Variants in ZNG1E observed in about 807,000 individuals in gnomAD.
ZNG1E encodes the protein Zn regulated GTPase metalloprotein activator 1E, also known as zinc-regulated GTPase metalloprotein activator 1E.
the ZNG1E span, among the ~76,000 whole-genome samples, chr9:65,686,511 C>G: frequency 6.6e-6 from 1 of 152,120 alleles, no homozygotes; most frequent in Non-Finnish European, 1.5e-5. Context: ...TGGTGGGAGC[C>G]TGTAATCCCA....
At chr9:65,660,774 C>T in the ZNG1E span, among the ~76,000 whole-genome samples, 3 of 147,690 alleles carry the variant, frequency 2.0e-5, no homozygotes, top group East Asian at 6.2e-4. Context: ...CAAAATTTAA[C>T]TATGGAAAAT....
At chr9:65,687,415 AT>A in the ZNG1E span, among the ~76,000 whole-genome samples, 2 of 150,832 alleles carry the variant, frequency 1.3e-5, no homozygotes, top group East Asian at 3.9e-4. Context: ...TATACACTTC[AT>A]TGATTCAAAA....
the ZNG1E span, among the ~76,000 whole-genome samples, chr9:65,710,608 C>T: frequency 2.2e-4 from 33 of 151,950 alleles, no homozygotes; most frequent in South Asian, 6.2e-4. Flanking sequence ...TTATTAAATA[C>T]GGAATCCTTT....
the ZNG1E span, among the ~76,000 whole-genome samples, chr9:65,712,066 TC>T: frequency 9.6e-4 from 140 of 145,700 alleles, 2 homozygotes; most frequent in East Asian, 0.026. Flanking sequence ...TTCAACTTCT[TC>T]CTGGTTTAGT....
the ZNG1E span, among the ~76,000 whole-genome samples, chr9:65,711,441 AG>A: frequency 7.7e-6 from 1 of 130,196 alleles, no homozygotes; most frequent in Non-Finnish European, 1.6e-5. Context: ...CAGTTTTCAA[AG>A]GGAATGCTTC....
chr9:65,703,933 C>G, the ZNG1E span: 1 of 882,484 alleles, frequency 1.1e-6, no homozygotes, highest in Non-Finnish European at 1.3e-6. Context: ...AGTGTAAGTC[C>G]TCTACAACCA....
chr9:65,719,786 T>C, the ZNG1E span: 1 of 472,670 alleles, frequency 2.1e-6, no homozygotes, highest in Non-Finnish European at 3.7e-6. Context: ...AAAATAGTGT[T>C]GCTAAAAGAC....
the ZNG1E span, among the ~76,000 whole-genome samples, chr9:65,691,550 C>T: frequency 6.6e-6 from 1 of 152,254 alleles, no homozygotes; most frequent in African/African-American, 2.4e-5. Flanking sequence ...TGTCACTCAA[C>T]TTCCAATTTA....
At chr9:65,709,278 C>T in the ZNG1E span, among the ~76,000 whole-genome samples, 48 of 149,934 alleles carry the variant, frequency 3.2e-4, no homozygotes, top group African/African-American at 9.7e-4. Flanking sequence ...TTTAGCTTAG[C>T]GTTTTCACAC....
At chr9:65,658,611 C>A in the ZNG1E span, among the ~76,000 whole-genome samples, 589 of 150,654 alleles carry the variant, frequency 3.9e-3, 1 homozygote, top group Non-Finnish European at 6.7e-3. Flanking sequence ...GAGTTAGACC[C>A]ATCCCAAGGC....
the ZNG1E span, chr9:65,703,799 C>T: frequency 3.1e-6 from 3 of 971,572 alleles, 1 homozygote; most frequent in African/African-American, 6.0e-5. Flanking sequence ...GCCAGACTGC[C>T]ATTAAGTGTT....
the ZNG1E span, among the ~76,000 whole-genome samples, chr9:65,717,881 T>G: frequency 6.9e-6 from 1 of 145,910 alleles, no homozygotes; most frequent in East Asian, 1.9e-4. Context: ...AAGATGAGGT[T>G]TTGCCATGTT....
At chr9:65,693,521 T>C in the ZNG1E span, 1 of 1,277,150 alleles carries the variant, frequency 7.8e-7, no homozygotes, top group Non-Finnish European at 1.0e-6. Context: ...TAGTGACTGT[T>C]TTGTATCCAA....
chr9:65,659,624 A>T, the ZNG1E span, among the ~76,000 whole-genome samples: 1 of 152,034 alleles, frequency 6.6e-6, no homozygotes, highest in African/African-American at 2.4e-5. Context: ...CTTAGGCCAG[A>T]TAGTATAAAT....
chr9:65,698,762 G>A, the ZNG1E span, among the ~76,000 whole-genome samples: 1 of 124,644 alleles, frequency 8.0e-6, no homozygotes, highest in African/African-American at 3.2e-5. Flanking sequence ...TTTTGTCGTA[G>A]CATAAAGTGA....
chr9:65,665,127 G>A, the ZNG1E span, among the ~76,000 whole-genome samples: 2 of 152,266 alleles, frequency 1.3e-5, no homozygotes, highest in African/African-American at 4.8e-5. Context: ...ATTCAAGCTG[G>A]CTGCAGAAAT....
At chr9:65,684,332 T>A in the ZNG1E span, among the ~76,000 whole-genome samples, 1 of 147,982 alleles carries the variant, frequency 6.8e-6, no homozygotes, top group East Asian at 2.0e-4. Flanking sequence ...AGGCCAGGAG[T>A]TCAAGACCAG....
the ZNG1E span, among the ~76,000 whole-genome samples, chr9:65,656,748 C>A: frequency 3.3e-5 from 5 of 152,402 alleles, no homozygotes; most frequent in African/African-American, 9.6e-5. Flanking sequence ...CATTTATAAG[C>A]TAACAGAACC....
the ZNG1E span, among the ~76,000 whole-genome samples, chr9:65,663,550 T>C: frequency 7.2e-6 from 1 of 138,830 alleles, no homozygotes; most frequent in South Asian, 2.4e-4. Flanking sequence ...ATGGTATCCT[T>C]TGAGTGAGCC....
Sources: allele counts gnomAD v4.1 joint callset (sites outside exome capture counted in the v4.1 genomes callset), GRCh38; gene constraint gnomAD v4.1.1; transcripts MANE v1.5; gene names NCBI Gene and HGNC (gene_info 2026-07-23, HGNC 2026-07-21).